DRC11: variants seen among roughly 807,000 people sequenced by gnomAD.
The protein encoded by DRC11 is dynein regulatory complex subunit 11.
the DRC11 span, among the ~76,000 whole-genome samples, chr2:236,458,472 T>C: frequency 3.3e-5 from 5 of 152,126 alleles, no homozygotes; most frequent in African/African-American, 7.2e-5. Context: ...TATATACAAG[T>C]ATGCAACCAA....
At chr2:236,440,065 T>C in the DRC11 span, among the ~76,000 whole-genome samples, 1 of 152,340 alleles carries the variant, frequency 6.6e-6, no homozygotes, top group Middle Eastern at 3.4e-3. Flanking sequence ...TGAATGTTTA[T>C]ATATGCAAAT....
the DRC11 span, among the ~76,000 whole-genome samples, chr2:236,506,605 C>G: frequency 6.6e-6 from 1 of 152,206 alleles, no homozygotes; most frequent in Admixed American, 6.5e-5. This position sits in a 1 kb window ranked among gnomAD's most constrained non-coding sequence, Gnocchi z 4.9. Flanking sequence ...TCCCCAAGTT[C>G]CCTCATCTGT....
At chr2:236,429,270 G>T in the DRC11 span, among the ~76,000 whole-genome samples, 1 of 152,212 alleles carries the variant, frequency 6.6e-6, no homozygotes, top group African/African-American at 2.4e-5. This position sits in a 1 kb window ranked among gnomAD's most constrained non-coding sequence, Gnocchi z 5.9. Context: ...TTGTGGCTGG[G>T]GTCAGCTGCA....
chr2:236,459,512 CGT>C, the DRC11 span, among the ~76,000 whole-genome samples: 174 of 89,850 alleles, frequency 1.9e-3, 1 homozygote, highest in Non-Finnish European at 3.0e-3. Flanking sequence ...TATACGTATA[CGT>C]ATACATGTAT....
At chr2:236,474,286 G>C in the DRC11 span, among the ~76,000 whole-genome samples, 1 of 152,080 alleles carries the variant, frequency 6.6e-6, no homozygotes, top group African/African-American at 2.4e-5. Flanking sequence ...TATTCAAACT[G>C]TATTGCTGAA....
At chr2:236,369,732 C>T in the DRC11 span, among the ~76,000 whole-genome samples, 1 of 152,338 alleles carries the variant, frequency 6.6e-6, no homozygotes, top group East Asian at 1.9e-4. The surrounding 1 kb of genome is among the most constrained non-coding windows in gnomAD (Gnocchi z 4.5). Flanking sequence ...GTCTGAGACT[C>T]GCACTGAAAG....
the DRC11 span, among the ~76,000 whole-genome samples, chr2:236,398,869 T>A: frequency 6.6e-6 from 1 of 152,232 alleles, no homozygotes; most frequent in Non-Finnish European, 1.5e-5. The surrounding 1 kb of genome is among the most constrained non-coding windows in gnomAD (Gnocchi z 6.2). Flanking sequence ...TCCCTGCCAC[T>A]AGCATGAAAA....
chr2:236,360,362 G>A, the DRC11 span, among the ~76,000 whole-genome samples: 1 of 152,162 alleles, frequency 6.6e-6, no homozygotes, highest in East Asian at 1.9e-4. The surrounding 1 kb of genome is among the most constrained non-coding windows in gnomAD (Gnocchi z 5.8). Flanking sequence ...TTGTTGTAAG[G>A]ACTGAGTGAG....
At chr2:236,368,161 G>T in the DRC11 span, 1 of 1,342,120 alleles carries the variant, frequency 7.5e-7, no homozygotes, top group African/African-American at 1.4e-5. Flanking sequence ...AGCTGCTTTG[G>T]AAAAGGCACA....
chr2:236,428,719 T>C, the DRC11 span, among the ~76,000 whole-genome samples: 4 of 152,242 alleles, frequency 2.6e-5, no homozygotes, highest in Non-Finnish European at 4.4e-5. Context: ...TTGGAGAATT[T>C]AATTCATTTA....
the DRC11 span, chr2:236,408,230 T>C: frequency 1.2e-5 from 10 of 820,442 alleles, no homozygotes; most frequent in Non-Finnish European, 2.0e-5. This position sits in a 1 kb window ranked among gnomAD's most constrained non-coding sequence, Gnocchi z 5.5. Context: ...ATCAATCTTC[T>C]TGTGATCTCA....
At chr2:236,443,558 T>G in the DRC11 span, among the ~76,000 whole-genome samples, 1 of 152,260 alleles carries the variant, frequency 6.6e-6, no homozygotes, top group Non-Finnish European at 1.5e-5. This position sits in a 1 kb window ranked among gnomAD's most constrained non-coding sequence, Gnocchi z 4.4. Flanking sequence ...GCAAAGGACA[T>G]GATCTCATTC....
chr2:236,356,650 A>G, the DRC11 span, among the ~76,000 whole-genome samples: 1 of 151,826 alleles, frequency 6.6e-6, no homozygotes, highest in Non-Finnish European at 1.5e-5. Flanking sequence ...GCTTTCATGC[A>G]ATTAAAAGAG....
At chr2:236,408,751 G>T in the DRC11 span, 1 of 681,666 alleles carries the variant, frequency 1.5e-6, no homozygotes. The surrounding 1 kb of genome is among the most constrained non-coding windows in gnomAD (Gnocchi z 5.5). Context: ...CTGATGTACT[G>T]AGCGAAGATG....
At chr2:236,460,224 A>G in the DRC11 span, among the ~76,000 whole-genome samples, 1 of 152,204 alleles carries the variant, frequency 6.6e-6, no homozygotes, top group Non-Finnish European at 1.5e-5. The surrounding 1 kb of genome is among the most constrained non-coding windows in gnomAD (Gnocchi z 4.0). Flanking sequence ...TGCACAGCAC[A>G]CCCACGAGGA....
At chr2:236,417,259 G>A in the DRC11 span, among the ~76,000 whole-genome samples, 2 of 152,132 alleles carry the variant, frequency 1.3e-5, no homozygotes, top group African/African-American at 2.4e-5. Flanking sequence ...TCCCTTGCTC[G>A]TAACTTCTAA....
the DRC11 span, among the ~76,000 whole-genome samples, chr2:236,414,669 A>T: frequency 5.5e-3 from 843 of 152,142 alleles, 3 homozygotes; most frequent in Non-Finnish European, 9.0e-3. Flanking sequence ...TGAGCTGAAG[A>T]CGAACATCCC....
At chr2:236,501,004 G>A in the DRC11 span, among the ~76,000 whole-genome samples, 8 of 152,244 alleles carry the variant, frequency 5.3e-5, no homozygotes, top group East Asian at 1.5e-3. Context: ...AGCAAGACTG[G>A]GTAATTTATA....
chr2:236,338,829 T>A, the DRC11 span, among the ~76,000 whole-genome samples: 1 of 152,230 alleles, frequency 6.6e-6, no homozygotes, highest in African/African-American at 2.4e-5. Flanking sequence ...CCTGGTTACA[T>A]AAGGCTGTGA....
Sources: allele counts gnomAD v4.1 joint callset (sites outside exome capture counted in the v4.1 genomes callset), GRCh38; gene constraint gnomAD v4.1.1; non-coding constraint Gnocchi (gnomAD v3.1); transcripts MANE v1.5; gene names NCBI Gene and HGNC (gene_info 2026-07-23, HGNC 2026-07-21).